Variants in JARID2 observed in about 807,000 individuals in gnomAD.
The protein encoded by JARID2 is protein Jumonji.
JARID2 carries 21 observed loss-of-function variants against 125.6 expected under a neutral mutation model. The observed-to-expected ratio is 0.17, with a 90% CI of 0.12 to 0.24. JARID2 has a LOEUF of 0.24. Among genes scored for constraint, JARID2 ranks in the 10% least tolerant of loss-of-function variants. The pLI, the probability that JARID2 is intolerant of heterozygous loss-of-function variation, is 1.00. For missense variants in JARID2, 1,303 were observed against 1,639.6 expected (o/e 0.79, Z 3.55); for synonymous variants, 736 against 661.6 (o/e 1.11, Z -1.73).
At chr6:15,275,642 A>C (rs1405897401) in intron 1 of JARID2, among the ~76,000 whole-genome samples, 1 of 150,686 alleles carries the variant, frequency 6.6e-6, no homozygotes, top group Non-Finnish European at 1.5e-5. Flanking sequence ...AAGGACTTGC[A>C]GTTGATTATG....
At chr6:15,356,310 A>G (rs1312450646) in intron 1 of JARID2, among the ~76,000 whole-genome samples, 1 of 152,200 alleles carries the variant, frequency 6.6e-6, no homozygotes, top group Non-Finnish European at 1.5e-5. Flanking sequence ...ATAGAATTGA[A>G]TAATTCTATG....
intron 2 of JARID2, among the ~76,000 whole-genome samples, chr6:15,405,619 T>C (rs1765617344): frequency 6.6e-6 from 1 of 152,200 alleles, no homozygotes; most frequent in Non-Finnish European, 1.5e-5. Context: ...GGCCATTCAT[T>C]CAATTTCCTC....
chr6:15,268,376 T>G (rs985251614), intron 1 of JARID2, among the ~76,000 whole-genome samples: 7 of 152,240 alleles, frequency 4.6e-5, no homozygotes, highest in Admixed American at 2.0e-4. Flanking sequence ...AGGACTTCAT[T>G]TAGTCAGAGG....
chr6:15,355,528 A>G (rs80071460), intron 1 of JARID2, among the ~76,000 whole-genome samples: 1 of 152,174 alleles, frequency 6.6e-6, no homozygotes, highest in Middle Eastern at 3.2e-3. Context: ...TATGTAAAAA[A>G]TCACATAAGA....
intron 3 of JARID2, among the ~76,000 whole-genome samples, chr6:15,442,555 G>C (rs1314382294): frequency 6.6e-6 from 1 of 152,202 alleles, no homozygotes; most frequent in Non-Finnish European, 1.5e-5. Context: ...GACGAGAAGA[G>C]TATTTGTGGC....
At chr6:15,307,907 G>A (rs180841949) in intron 1 of JARID2, among the ~76,000 whole-genome samples, 1 of 152,164 alleles carries the variant, frequency 6.6e-6, no homozygotes, top group Non-Finnish European at 1.5e-5. Context: ...AGCCAGCGTA[G>A]CTTAAAACTT....
intron 1 of JARID2, among the ~76,000 whole-genome samples, chr6:15,277,778 C>CAAAAAA (rs541398012): frequency 1.2e-5 from 1 of 83,776 alleles, no homozygotes; most frequent in African/African-American, 4.4e-5. Flanking sequence ...GCCAAGTCTG[C>CAAAAAA]AAAAAAAAAA....
At chr6:15,277,696 T>G (rs1360406902) in intron 1 of JARID2, among the ~76,000 whole-genome samples, 2 of 151,878 alleles carry the variant, frequency 1.3e-5, no homozygotes, top group Non-Finnish European at 2.9e-5. Context: ...TTAGATTGAT[T>G]CACCTGTTTA....
At chr6:15,473,514 G>GGCCCCCCCCCC (rs1769181602) in intron 5 of JARID2, among the ~76,000 whole-genome samples, 2 of 34,996 alleles carry the variant, frequency 5.7e-5, no homozygotes, top group Admixed American at 9.0e-4. Flanking sequence ...TGATGTGCGT[G>GGCCCCCCCCCC]CCCCCCCCCC....
intron 1 of JARID2, among the ~76,000 whole-genome samples, chr6:15,288,107 A>G (rs925161207): frequency 6.6e-6 from 1 of 152,212 alleles, no homozygotes; most frequent in African/African-American, 2.4e-5. Context: ...GTATGGTGGC[A>G]TATTAGGCCA....
chr6:15,293,100 C>G (rs1298786939), intron 1 of JARID2, among the ~76,000 whole-genome samples: 2 of 152,238 alleles, frequency 1.3e-5, no homozygotes, highest in African/African-American at 4.8e-5. Context: ...TTGTCTGTCT[C>G]TTCTCTGTGT....
At chr6:15,503,181 G>A (rs1485409287) in intron 8 of JARID2, among the ~76,000 whole-genome samples, 3 of 152,224 alleles carry the variant, frequency 2.0e-5, no homozygotes, top group Non-Finnish European at 2.9e-5. Context: ...CCGTGAGCAC[G>A]CAACTCTCTG....
At chr6:15,355,716 A>G (rs1263271736) in intron 1 of JARID2, among the ~76,000 whole-genome samples, 1 of 151,868 alleles carries the variant, frequency 6.6e-6, no homozygotes, top group Non-Finnish European at 1.5e-5. Flanking sequence ...GGCTGAAACG[A>G]TTCTCGTGCC....
intron 2 of JARID2, among the ~76,000 whole-genome samples, chr6:15,407,176 G>T (rs532838300): frequency 1.8e-3 from 268 of 152,220 alleles, no homozygotes; most frequent in Non-Finnish European, 3.0e-3. Flanking sequence ...TTGAGCCTAG[G>T]AGGACTGCTT....
chr6:15,330,772 A>G (rs950069468), intron 1 of JARID2, among the ~76,000 whole-genome samples: 1 of 152,212 alleles, frequency 6.6e-6, no homozygotes, highest in Non-Finnish European at 1.5e-5. Flanking sequence ...GCTAAGAGGT[A>G]TTGTTTAATA....
At chr6:15,324,670 A>G (rs1373762676) in intron 1 of JARID2, among the ~76,000 whole-genome samples, 1 of 141,308 alleles carries the variant, frequency 7.1e-6, no homozygotes, top group Non-Finnish European at 1.5e-5. Flanking sequence ...TTTTTTTGGT[A>G]GTTTTGTAGC....
At chr6:15,351,879 C>T (rs116792298) in intron 1 of JARID2, among the ~76,000 whole-genome samples, 2,975 of 152,266 alleles carry the variant, frequency 0.02, 93 homozygotes, top group African/African-American at 0.067. Flanking sequence ...CCCCGCTTCC[C>T]TCTGCTGATG....
chr6:15,462,638 C>T (rs1351787166), intron 4 of JARID2, among the ~76,000 whole-genome samples: 1 of 152,224 alleles, frequency 6.6e-6, no homozygotes, highest in Non-Finnish European at 1.5e-5. Flanking sequence ...GAAACACAAA[C>T]TCAGTGGGCC....
At chr6:15,286,690 C>T (rs1326285988) in intron 1 of JARID2, among the ~76,000 whole-genome samples, 10 of 151,774 alleles carry the variant, frequency 6.6e-5, no homozygotes, top group African/African-American at 1.2e-4. Context: ...GAAACCCCGT[C>T]TCTAATAAAA....
Sources: allele counts gnomAD v4.1 joint callset (sites outside exome capture counted in the v4.1 genomes callset), GRCh38; gene constraint gnomAD v4.1.1; transcripts MANE v1.5; gene names NCBI Gene and HGNC (gene_info 2026-07-23, HGNC 2026-07-21).